Variants in LRCH1 observed in about 807,000 individuals in gnomAD.
The protein encoded by LRCH1 is leucine rich repeats and calponin homology domain containing 1.
In LRCH1, 23 loss-of-function variants were observed where a neutral mutation model predicts 94.9. That is an observed-to-expected ratio of 0.24 (90% CI 0.17 to 0.34). The LOEUF (loss-of-function observed/expected upper bound fraction) is 0.34, where lower values mean the gene tolerates loss of function less well. LRCH1 is among the 10% of genes least tolerant of loss of function. The pLI is 1.00. For missense variants in LRCH1, 790 were observed against 945.9 expected, an observed-to-expected ratio of 0.84 and a Z score of 2.16; for synonymous variants, 364 against 354.9, an observed-to-expected ratio of 1.03 and a Z score of -0.29.
chr13:46,727,110 G>A (rs1311239560), intron 17 of LRCH1, among the ~76,000 whole-genome samples: 2 of 152,140 alleles, frequency 1.3e-5, no homozygotes, highest in African/African-American at 4.8e-5. Context: ...GGTGAACAAC[G>A]ATGTACATGG....
intron 1 of LRCH1, among the ~76,000 whole-genome samples, chr13:46,624,944 C>G (rs1009552887): frequency 6.6e-6 from 1 of 152,202 alleles, no homozygotes; most frequent in African/African-American, 2.4e-5. Flanking sequence ...CTTCCTGTTA[C>G]TTTCTTATTT....
At chr13:46,715,724 A>G in intron 16 of LRCH1, 60 bp downstream of exon 16, 1 of 969,742 alleles carries the variant, frequency 1.0e-6, no homozygotes, top group Non-Finnish European at 1.6e-6. Context: ...CGTATACTGA[A>G]CATTCATCTC....
chr13:46,643,008 A>G (rs1368179638), intron 1 of LRCH1, among the ~76,000 whole-genome samples: 1 of 152,220 alleles, frequency 6.6e-6, no homozygotes, highest in Non-Finnish European at 1.5e-5. Flanking sequence ...ACCTCTATAC[A>G]AGCATATTTA....
chr13:46,658,441 A>G (rs1170109143), intron 2 of LRCH1, among the ~76,000 whole-genome samples: 1 of 151,974 alleles, frequency 6.6e-6, no homozygotes, highest in African/African-American at 2.4e-5. Context: ...TCTACTTTCC[A>G]TTATTACTTC....
intron 1 of LRCH1, among the ~76,000 whole-genome samples, chr13:46,597,965 A>G (rs1040029816): frequency 2.0e-5 from 3 of 152,160 alleles, no homozygotes; most frequent in Non-Finnish European, 4.4e-5. Context: ...TCATAGACAG[A>G]ACTACCATCA....
rs529497384 is a variant in LRCH1 at position 46,743,473 on chromosome 13, G to A, written c.*1625G>A. 5.1e-6 allele frequency: 5 copies of A among 985,782 alleles called. No homozygotes were observed. The East Asian group carries it at 3.4e-4, about 67-fold the overall frequency. 61.1% of individuals were successfully genotyped at this position (985,782 alleles called of 1,614,324 possible). On this transcript the variant is annotated 3_prime_UTR_variant, in exon 20 of 20. Coordinates refer to ENST00000389797, the MANE Select transcript of LRCH1 (RefSeq NM_001164211.2). ...AGTTGTATATGAATAACCCACAGAT[G>A]TACTGAATTACTTTTGGTGCTATCT...
chr13:46,747,710 T>C (rs1217995253), downstream of LRCH1, among the ~76,000 whole-genome samples: 2 of 151,972 alleles, frequency 1.3e-5, no homozygotes, highest in African/African-American at 4.8e-5. Flanking sequence ...ACTGATTTGT[T>C]GAGCTTATGT....
chr13:46,693,003 T>C (rs1870987120), intron 8 of LRCH1, among the ~76,000 whole-genome samples: 1 of 149,684 alleles, frequency 6.7e-6, no homozygotes, highest in South Asian at 2.1e-4. Flanking sequence ...AGTCTCGCTC[T>C]GTCTCCCAGG....
At chr13:46,628,845 G>T (rs2050984037) in intron 1 of LRCH1, among the ~76,000 whole-genome samples, 1 of 152,082 alleles carries the variant, frequency 6.6e-6, no homozygotes, top group East Asian at 1.9e-4. Flanking sequence ...ACCAACTCCT[G>T]AGTTATGGCG....
intron 2 of LRCH1, among the ~76,000 whole-genome samples, chr13:46,668,254 T>C (rs1385373896): frequency 6.6e-6 from 1 of 152,006 alleles, no homozygotes; most frequent in East Asian, 1.9e-4. Context: ...AAACTAAGCA[T>C]TGATGATAGA....
chr13:46,705,434 C>G (rs758611608), intron 13 of LRCH1, 130 bp downstream of exon 13: 1 of 891,974 alleles, frequency 1.1e-6, no homozygotes, highest in South Asian at 1.3e-5. Flanking sequence ...CAGATTTGTT[C>G]AGGACACATT....
intron 17 of LRCH1, among the ~76,000 whole-genome samples, chr13:46,723,541 CT>C (rs1363685963): frequency 5.9e-5 from 9 of 152,130 alleles, no homozygotes; most frequent in African/African-American, 1.9e-4. Flanking sequence ...TTTCTCATGC[CT>C]GTAATCGCAG....
At chr13:46,750,057 C>A in intron 18 of LRCH1, among the ~76,000 whole-genome samples, 1 of 152,186 alleles carries the variant, frequency 6.6e-6, no homozygotes, top group East Asian at 1.9e-4. Context: ...TGCCAGTCCA[C>A]CCACTTGCCT....
At chr13:46,555,845 A>G (rs1207316848) in intron 1 of LRCH1, among the ~76,000 whole-genome samples, 1 of 152,238 alleles carries the variant, frequency 6.6e-6, no homozygotes, top group Non-Finnish European at 1.5e-5. Flanking sequence ...CCTCAGGTCA[A>G]AAGCTAGGTG....
chr13:46,617,623 AG>A (rs1469664090), intron 1 of LRCH1, among the ~76,000 whole-genome samples: 3 of 152,156 alleles, frequency 2.0e-5, no homozygotes, highest in Non-Finnish European at 4.4e-5. Context: ...TCTTTGCTAG[AG>A]GGAATTTGGA....
At chr13:46,575,510 A>ATGTGTGTGTG (rs59582784) in intron 1 of LRCH1, among the ~76,000 whole-genome samples, 47,948 of 142,922 alleles carry the variant, frequency 0.34, 8,274 homozygotes, top group Admixed American at 0.39. Flanking sequence ...CTGTGCATGA[A>ATGTGTGTGTG]TGTGTGTGTG....
At chr13:46,722,755 T>C (rs1364765691) in intron 16 of LRCH1, among the ~76,000 whole-genome samples, 2 of 152,230 alleles carry the variant, frequency 1.3e-5, no homozygotes, top group African/African-American at 4.8e-5. Context: ...ACTTAGTTCT[T>C]AACTCAGGCT....
chr13:46,681,960 G>GTGTGTGTGTC, intron 4 of LRCH1, 114 bp downstream of exon 4: 1 of 645,924 alleles, frequency 1.5e-6, no homozygotes, highest in Non-Finnish European at 2.7e-6. Context: ...GTGTGTGTGT[G>GTGTGTGTGTC]TGTGTGCCTA....
chr13:46,618,411 C>G lies in LRCH1; in HGVS notation c.308-31790C>G, dbSNP rs2050837678. Among the ~76,000 whole-genome samples the G allele has an allele frequency of 2.0e-5, 3 of 152,280 alleles. No homozygotes were observed. In the South Asian group the frequency reaches 6.2e-4, roughly 32 times the overall value. Reference sequence around the variant, plus strand: ...ATGCGTGGTCCATTGTTAATGGAAACTGTTGTGTGGGGCATAACTGTATAT... The same window carrying G: ...ATGCGTGGTCCATTGTTAATGGAAAGTGTTGTGTGGGGCATAACTGTATAT... On this transcript the variant is annotated intron_variant, in intron 1 of 19. Coordinates refer to ENST00000389797, the MANE Select transcript of LRCH1 (RefSeq NM_001164211.2).
Sources: gnomAD v4.1 joint callset for allele counts (sites outside exome capture counted in the v4.1 genomes callset) on GRCh38, gnomAD v4.1.1 for gene constraint, MANE v1.5 for transcripts, NCBI Gene and HGNC (gene_info 2026-07-23, HGNC 2026-07-21) for gene names.